MALT1: variants seen among roughly 807,000 people sequenced by gnomAD.
MALT1 encodes MALT1 paracaspase.
A neutral mutation model predicts 85.5 loss-of-function variants in MALT1; 36 were observed. That is an observed-to-expected ratio of 0.42 (90% CI 0.32 to 0.56). The LOEUF (loss-of-function observed/expected upper bound fraction) is 0.56. MALT1 is among the 20% of genes least tolerant of loss of function. The pLI, the probability that MALT1 is intolerant of heterozygous loss-of-function variation, is 0.10. For synonymous variants in MALT1, 359 were observed against 361.3 expected (o/e 0.99, Z 0.07); for missense variants, 716 against 981.6 (o/e 0.73, Z 3.62).
chr18:58,671,991 C>A, intron 1 of MALT1, 139 bp downstream of exon 1: 1 of 498,168 alleles, frequency 2.0e-6, no homozygotes, highest in Non-Finnish European at 3.1e-6. Context: ...GGACTTCGGT[C>A]ATTGAGGCGG....
rs184368926 is a variant in MALT1, at chr18:58,699,137, A to G, written c.499-1304A>G. On this transcript the variant is annotated intron_variant, in intron 3 of 16. Coordinates refer to ENST00000649217, the MANE Select transcript of MALT1 (RefSeq NM_006785.4). ...TGGGTCTCCACAGATCTTCAGCCCAAGTAGCCTTTGTTAAGAGGATACATC... is the reference window on the plus strand; with the variant it reads ...TGGGTCTCCACAGATCTTCAGCCCAGGTAGCCTTTGTTAAGAGGATACATC... Among the ~76,000 whole-genome samples, 237 of 152,334 alleles carry G rather than the reference A, an allele frequency of 1.6e-3. 1 individual carries two copies. Among genetic ancestry groups the G allele is most frequent in the Non-Finnish European group, 2.9e-3 (199 of 68,022 alleles).
chr18:58,734,669 C>A, intron 12 of MALT1: 1 of 292,586 alleles, frequency 3.4e-6, no homozygotes. Flanking sequence ...CCTTGATATT[C>A]TGCGTAGAAA....
chr18:58,739,622 A>G (rs1460903995), intron 13 of MALT1, among the ~76,000 whole-genome samples: 1 of 152,206 alleles, frequency 6.6e-6, no homozygotes, highest in Non-Finnish European at 1.5e-5. Flanking sequence ...GAAGGCCTTA[A>G]TGGAGCAAAG....
intron 10 of MALT1, among the ~76,000 whole-genome samples, chr18:58,725,177 C>A (rs973523150): frequency 1.1e-4 from 16 of 151,040 alleles, no homozygotes; most frequent in African/African-American, 3.9e-4. Flanking sequence ...CGAAAATTAG[C>A]TGGGCGTGGT....
At chr18:58,680,681 G>T (rs9966443) in intron 1 of MALT1, among the ~76,000 whole-genome samples, 92,203 of 151,876 alleles carry the variant, frequency 0.61, 30,580 homozygotes, top group African/African-American at 0.9. Flanking sequence ...TGGGACACTT[G>T]GGGAGGCCGA....
intron 2 of MALT1, among the ~76,000 whole-genome samples, chr18:58,689,426 C>T (rs551318177): frequency 2.2e-5 from 3 of 136,554 alleles, no homozygotes; most frequent in Non-Finnish European, 4.8e-5. Flanking sequence ...GTAAAGCAGT[C>T]AGTAACTTGC....
chr18:58,747,934 GTATATGTAGAGAAAGAA>G lies in MALT1; in HGVS notation c.*95_*111del. On this transcript the variant is annotated 3_prime_UTR_variant, in exon 17 of 17. Coordinates refer to ENST00000649217, the MANE Select transcript of MALT1 (RefSeq NM_006785.4). Reference sequence around the variant, plus strand: ...TGAGACATTGTGAAAAGGCAAATTTGTATATGTAGAGAAAGAATAGTAGTAACTGTTTCATAGCAAAC... The same window carrying G: ...TGAGACATTGTGAAAAGGCAAATTTGTAGTAGTAACTGTTTCATAGCAAAC... The G allele has an allele frequency of 1.1e-6, 1 of 944,738 alleles. No homozygotes were observed. Among genetic ancestry groups the G allele is most frequent in the Non-Finnish European group, 1.6e-6 (1 of 614,428 alleles). 58.5% of individuals were successfully genotyped at this position (944,738 alleles called of 1,614,324 possible).
In MALT1 at chr18:58,715,634, A is replaced by G. The variant is rs571326046; in HGVS notation, c.986-301A>G. Among the ~76,000 whole-genome samples, 14 of 152,234 alleles carry G rather than the reference A, an allele frequency of 9.2e-5. No homozygotes were observed. In the South Asian group the frequency reaches 2.5e-3, roughly 27 times the overall value. On this transcript the variant is annotated intron_variant, in intron 8 of 16. Transcript: ENST00000649217. ...TCTCTCTGCCTTAATTTCCTTATCT[A>G]TATAATGGGGTTAATAATAGTAGGC...
rs749222164 is a variant in MALT1, at chr18:58,696,319, A to AT, written c.377-46dup. ...GGTTTCAGATGTATAAACAAGGAAA[A>AT]TCCCTCTTGTGACTTTAATTTTTTT... is the stretch of plus-strand genomic sequence containing the variant. On this transcript the variant is annotated intron_variant, in intron 2 of 16. Coordinates refer to ENST00000649217, the MANE Select transcript of MALT1 (RefSeq NM_006785.4). The AT allele has an allele frequency of 2.0e-4, 271 of 1,327,802 alleles. 1 individual carries two copies. Among genetic ancestry groups the AT allele is most frequent in the Non-Finnish European group, 2.6e-4 (263 of 1,023,702 alleles). 82.3% of individuals were successfully genotyped at this position (1,327,802 alleles called of 1,614,324 possible). A position where few individuals can be genotyped will look rare whatever the true frequency, so the allele number is the denominator to read the frequency against.
chr18:58,734,549 G>T (rs940536882), intron 12 of MALT1, 168 bp downstream of exon 12: 4 of 588,926 alleles, frequency 6.8e-6, no homozygotes, highest in Admixed American at 2.8e-5. Flanking sequence ...TCAGCCTTCT[G>T]AGTCGCTGGG....
At chr18:58,716,835 A>G (rs1332331316) in intron 9 of MALT1, among the ~76,000 whole-genome samples, 2 of 151,512 alleles carry the variant, frequency 1.3e-5, no homozygotes, top group Non-Finnish European at 2.9e-5. Flanking sequence ...TGTGTAGATT[A>G]GAGTGATCCA....
intron 10 of MALT1, among the ~76,000 whole-genome samples, chr18:58,724,217 T>A (rs2055022855): frequency 6.6e-6 from 1 of 152,218 alleles, no homozygotes; most frequent in African/African-American, 2.4e-5. Context: ...AAGTAGAATT[T>A]TTAATGGAAC....
intron 2 of MALT1, among the ~76,000 whole-genome samples, chr18:58,695,215 G>T (rs2054569978): frequency 1.3e-5 from 2 of 152,194 alleles, no homozygotes; most frequent in South Asian, 4.1e-4. Flanking sequence ...AAATTGCCCA[G>T]TCGTGGGTAT....
chr18:58,739,482 C>T (rs534435342), intron 13 of MALT1, among the ~76,000 whole-genome samples: 2 of 152,066 alleles, frequency 1.3e-5, no homozygotes, highest in African/African-American at 2.4e-5. Flanking sequence ...GATATTTAGT[C>T]CAGCATTATT....
intron 4 of MALT1, among the ~76,000 whole-genome samples, chr18:58,701,541 T>C (rs926317169): frequency 6.6e-6 from 1 of 152,144 alleles, no homozygotes; most frequent in African/African-American, 2.4e-5. Context: ...TCTTTCTAGT[T>C]CTTAGAACAA....
chr18:58,716,425 AGG>A (rs939902010), intron 9 of MALT1, among the ~76,000 whole-genome samples: 2 of 152,240 alleles, frequency 1.3e-5, no homozygotes, highest in African/African-American at 4.8e-5. Flanking sequence ...AGAAAATGTA[AGG>A]GAGAAAACTT....
rs1387870703 is a variant in MALT1, at chr18:58,714,067, TCTTA to T, written c.959-12_959-9del. The T allele has an allele frequency of 3.4e-6, 4 of 1,172,680 alleles. No individual in the cohort carries two copies. Among genetic ancestry groups the T allele is most frequent in the African/African-American group, 1.5e-5 (1 of 65,820 alleles). 72.6% of individuals were successfully genotyped at this position (1,172,680 alleles called of 1,614,324 possible). On this transcript the variant is annotated splice_polypyrimidine_tract_variant and intron_variant, in intron 7 of 16. Transcript: ENST00000649217. The stretch of plus-strand genomic sequence containing the variant: ...TGTTTAGATTACTTAATCTATTTTC[TCTTA>T]CTTTGTTTTAGATGAATTAAATAAT...
chr18:58,698,726 T>C (rs2054629668), intron 3 of MALT1, among the ~76,000 whole-genome samples: 1 of 152,240 alleles, frequency 6.6e-6, no homozygotes, highest in South Asian at 2.1e-4. Flanking sequence ...AGTAGCTTGC[T>C]AACTGGTTAA....
At chr18:58,706,406 C>G (rs984033430) in intron 4 of MALT1, among the ~76,000 whole-genome samples, 1 of 152,184 alleles carries the variant, frequency 6.6e-6, no homozygotes, top group Non-Finnish European at 1.5e-5. Context: ...CCACCTGCCT[C>G]GGCCTCCCAA....
Sources: gnomAD v4.1 joint callset for allele counts (sites outside exome capture counted in the v4.1 genomes callset) on GRCh38, gnomAD v4.1.1 for gene constraint, MANE v1.5 for transcripts, NCBI Gene and HGNC (gene_info 2026-07-23, HGNC 2026-07-21) for gene names.